Variants in KIF6 observed in about 807,000 individuals in gnomAD.
The protein encoded by KIF6 is kinesin-like protein KIF6.
Under a neutral mutation model 112.7 loss-of-function variants are expected in KIF6, and 106 were observed. That is an observed-to-expected ratio of 0.94 (90% CI 0.80 to 1.11). KIF6 has a LOEUF of 1.11. Ranked by LOEUF, KIF6 falls within the 50% of genes least tolerant of loss-of-function variation. The pLI, the probability that KIF6 is intolerant of heterozygous loss-of-function variation, is 0.00. For synonymous variants in KIF6, 339 were observed against 339.9 expected (o/e 1.00, Z 0.03); for missense variants, 929 against 964.0 (o/e 0.96, Z 0.48).
rs116555577 is a variant in KIF6 at position 39,570,651 on chromosome 6, T to C, written c.1181+7405A>G. The stretch of plus-strand genomic sequence containing the variant: ...GACCTGATAGGAGATAACTGAATCA[T>C]GGGGGTGTTTACCCCCATGCTGTTC... On this transcript the variant is annotated intron_variant, in intron 10 of 22. Coordinates refer to ENST00000287152, the MANE Select transcript of KIF6 (RefSeq NM_145027.6). Among the ~76,000 whole-genome samples, 1,226 of 152,242 alleles carry C rather than the reference T, an allele frequency of 8.1e-3. 19 individuals carry two copies. Among genetic ancestry groups the C allele is most frequent in the African/African-American group, 0.028 (1,182 of 41,554 alleles).
At chr6:39,551,165 C>T (rs527761845) in intron 10 of KIF6, among the ~76,000 whole-genome samples, 21 of 152,082 alleles carry the variant, frequency 1.4e-4, no homozygotes, top group Admixed American at 7.9e-4. Context: ...GGAGGAAACT[C>T]CATACTGAAA....
intron 3 of KIF6, among the ~76,000 whole-genome samples, chr6:39,675,680 A>C (rs1302750603): frequency 2.0e-5 from 3 of 152,170 alleles, no homozygotes; most frequent in Non-Finnish European, 4.4e-5. Context: ...CTATCACATA[A>C]GACTATATAA....
chr6:39,392,056 T>C (rs1305878436), intron 15 of KIF6, among the ~76,000 whole-genome samples: 1 of 152,278 alleles, frequency 6.6e-6, no homozygotes. Flanking sequence ...ACCATTCTAG[T>C]TGGTTTGATG....
chr6:39,420,059 TA>T, intron 14 of KIF6, 56 bp from the exon 15 acceptor site: 2 of 1,245,188 alleles, frequency 1.6e-6, no homozygotes, highest in South Asian at 2.5e-5. Flanking sequence ...CAAGATGTTT[TA>T]AAAATAATAG....
chr6:39,542,363 G>T (rs1281691469), intron 12 of KIF6, among the ~76,000 whole-genome samples: 1 of 152,082 alleles, frequency 6.6e-6, no homozygotes, highest in Non-Finnish European at 1.5e-5. Context: ...TTTGTGAAGG[G>T]GTGTGTGAAC....
chr6:39,631,665 G>A (rs1195463223), intron 5 of KIF6, among the ~76,000 whole-genome samples: 11 of 150,918 alleles, frequency 7.3e-5, no homozygotes. Context: ...ATTTTGTTGA[G>A]GATTTTTGAG....
chr6:39,666,427 T>C (rs1289991109), intron 3 of KIF6, among the ~76,000 whole-genome samples: 4 of 152,226 alleles, frequency 2.6e-5, no homozygotes, highest in Non-Finnish European at 5.9e-5. Flanking sequence ...ATGAATTGTA[T>C]ACAGTTGATT....
chr6:39,682,263 T>G (rs1787566526), intron 3 of KIF6, among the ~76,000 whole-genome samples: 1 of 152,212 alleles, frequency 6.6e-6, no homozygotes, highest in South Asian at 2.1e-4. Context: ...CATCATAGCA[T>G]GTACTTACAC....
chr6:39,610,155 C>T (rs574143185), intron 6 of KIF6, among the ~76,000 whole-genome samples: 24 of 152,238 alleles, frequency 1.6e-4, no homozygotes, highest in African/African-American at 5.1e-4. Context: ...ATACTTGCGA[C>T]TGGTGGACTT....
intron 10 of KIF6, among the ~76,000 whole-genome samples, chr6:39,546,772 G>A (rs1449868482): frequency 1.3e-5 from 2 of 150,064 alleles, no homozygotes; most frequent in Admixed American, 6.7e-5. Context: ...GTTGCAGTGG[G>A]TTGAGATTGT....
chr6:39,710,063 C>T (rs1309773803), intron 3 of KIF6, among the ~76,000 whole-genome samples: 4 of 152,068 alleles, frequency 2.6e-5, no homozygotes, highest in African/African-American at 4.8e-5. Flanking sequence ...GATTCCCTCC[C>T]CAGGCTCTTA....
At chr6:39,499,891 C>T (rs1250033181) in intron 13 of KIF6, among the ~76,000 whole-genome samples, 1 of 152,186 alleles carries the variant, frequency 6.6e-6, no homozygotes, top group Non-Finnish European at 1.5e-5. Context: ...CTCCCTATCA[C>T]AAGAAAGGAT....
chr6:39,393,314 C>T (rs1465983073), intron 15 of KIF6, among the ~76,000 whole-genome samples: 3 of 152,280 alleles, frequency 2.0e-5, no homozygotes, highest in South Asian at 2.1e-4. Flanking sequence ...GGTTTGCATC[C>T]AGCTGGGCCA....
chr6:39,409,053 A>G (rs955948690), intron 15 of KIF6, among the ~76,000 whole-genome samples: 2 of 152,164 alleles, frequency 1.3e-5, no homozygotes, highest in East Asian at 3.8e-4. Context: ...AATATGAGCA[A>G]TATTCATAAG....
At chr6:39,353,352 A>G (rs988006831) in intron 19 of KIF6, among the ~76,000 whole-genome samples, 2 of 152,044 alleles carry the variant, frequency 1.3e-5, no homozygotes, top group African/African-American at 4.8e-5. Context: ...TCATGTACTT[A>G]TTTGCCATCT....
intron 3 of KIF6, among the ~76,000 whole-genome samples, chr6:39,646,044 C>A (rs1023040118): frequency 6.6e-6 from 1 of 151,694 alleles, no homozygotes; most frequent in South Asian, 2.1e-4. Context: ...GGGTGCAGCA[C>A]ACCAACATGG....
At chr6:39,661,341 A>T (rs2150812389) in intron 3 of KIF6, among the ~76,000 whole-genome samples, 1 of 152,328 alleles carries the variant, frequency 6.6e-6, no homozygotes, top group Admixed American at 6.5e-5. Context: ...TAGAAATAGT[A>T]TATGTTCTTT....
chr6:39,355,459 CTT>C (rs574801087), intron 19 of KIF6, among the ~76,000 whole-genome samples: 5,784 of 82,576 alleles, frequency 0.07, 133 homozygotes, highest in African/African-American at 0.096. Flanking sequence ...TTTAAGAAGT[CTT>C]TTTTTTTTTT....
chr6:39,463,581 T>C (rs1773611228), intron 13 of KIF6, among the ~76,000 whole-genome samples: 1 of 152,232 alleles, frequency 6.6e-6, no homozygotes, highest in African/African-American at 2.4e-5. Context: ...GTACTCATCT[T>C]TTTTACTTCT....
Sources: gnomAD v4.1 joint callset for allele counts (sites outside exome capture counted in the v4.1 genomes callset) on GRCh38, gnomAD v4.1.1 for gene constraint, MANE v1.5 for transcripts, NCBI Gene and HGNC (gene_info 2026-07-23, HGNC 2026-07-21) for gene names.